Variants in FRMD5 observed in about 807,000 individuals in gnomAD.
FRMD5 encodes FERM domain containing 5.
FRMD5 carries 20 observed loss-of-function variants against 69.0 expected under a neutral mutation model. The observed-to-expected ratio is 0.29, with a 90% CI of 0.20 to 0.42. The LOEUF (loss-of-function observed/expected upper bound fraction) is 0.42, where lower values mean the gene tolerates loss of function less well. Ranked by LOEUF, FRMD5 falls within the 10% of genes least tolerant of loss-of-function variation. FRMD5 has a pLI of 1.00. For missense variants in FRMD5, 595 were observed against 708.6 expected, an observed-to-expected ratio of 0.84 and a Z score of 1.82; for synonymous variants, 271 against 260.1, an observed-to-expected ratio of 1.04 and a Z score of -0.40.
chr15:44,081,499 A>G (rs1401467367), intron 1 of FRMD5, among the ~76,000 whole-genome samples: 1 of 152,082 alleles, frequency 6.6e-6, no homozygotes, highest in African/African-American at 2.4e-5. Flanking sequence ...GAAATAATAA[A>G]CACCAGGAAG....
intron 1 of FRMD5, among the ~76,000 whole-genome samples, chr15:44,078,281 C>G (rs1893853326): frequency 6.6e-6 from 1 of 152,064 alleles, no homozygotes. Flanking sequence ...CCATGTAGCC[C>G]TATACTGGCT....
intron 1 of FRMD5, among the ~76,000 whole-genome samples, chr15:44,129,966 G>C (rs2077076058): frequency 6.6e-6 from 1 of 152,126 alleles, no homozygotes; most frequent in Admixed American, 6.5e-5. Context: ...ATCAGCTTGG[G>C]GAAGGCCAAC....
chr15:44,020,376 G>C (rs1189712221), intron 1 of FRMD5, among the ~76,000 whole-genome samples: 1 of 152,170 alleles, frequency 6.6e-6, no homozygotes, highest in Non-Finnish European at 1.5e-5. Flanking sequence ...GAGACACTGA[G>C]AAGTTATATA....
chr15:44,199,273 C>A (rs778557657), upstream of FRMD5, among the ~76,000 whole-genome samples: 1 of 152,142 alleles, frequency 6.6e-6, no homozygotes, highest in Non-Finnish European at 1.5e-5. Context: ...GTAACTTGGA[C>A]GTATGACATA....
intron 2 of FRMD5, among the ~76,000 whole-genome samples, chr15:43,922,858 C>T (rs976955392): frequency 3.9e-5 from 6 of 151,994 alleles, no homozygotes; most frequent in East Asian, 1.9e-4. Context: ...TTAGTGGAGA[C>T]GGGGTTTTGC....
At chr15:44,187,593 C>T (rs1370696763) in intron 1 of FRMD5, among the ~76,000 whole-genome samples, 4 of 149,108 alleles carry the variant, frequency 2.7e-5, no homozygotes, top group African/African-American at 9.9e-5. Context: ...TAGGAGACAG[C>T]GTTTCCATCT....
intron 1 of FRMD5, among the ~76,000 whole-genome samples, chr15:43,999,039 ACT>A (rs1890064408): frequency 6.6e-6 from 1 of 152,074 alleles, no homozygotes; most frequent in Non-Finnish European, 1.5e-5. Flanking sequence ...AGCTGTTAAC[ACT>A]GTTTTTTCTC....
chr15:43,964,138 A>T (rs1332309877), intron 1 of FRMD5, among the ~76,000 whole-genome samples: 1 of 152,168 alleles, frequency 6.6e-6, no homozygotes, highest in East Asian at 1.9e-4. Context: ...CTTTTGTTAT[A>T]ATCATAGATT....
chr15:44,052,653 C>T (rs543343937), intron 1 of FRMD5, among the ~76,000 whole-genome samples: 10 of 152,302 alleles, frequency 6.6e-5, no homozygotes, highest in African/African-American at 2.4e-4. Flanking sequence ...GGAAGCACCA[C>T]TCTAATATAT....
At chr15:44,113,868 G>A (rs2076833339) in intron 1 of FRMD5, among the ~76,000 whole-genome samples, 1 of 152,116 alleles carries the variant, frequency 6.6e-6, no homozygotes, top group Non-Finnish European at 1.5e-5. Context: ...AAAACAACAT[G>A]ATATATGTGA....
At chr15:44,182,221 G>A (rs1032825192) in intron 1 of FRMD5, among the ~76,000 whole-genome samples, 1 of 151,686 alleles carries the variant, frequency 6.6e-6, no homozygotes, top group Non-Finnish European at 1.5e-5. Flanking sequence ...TTGTTGGCCA[G>A]GCTGGTCTTG....
intron 1 of FRMD5, among the ~76,000 whole-genome samples, chr15:44,039,763 C>T (rs1892104262): frequency 6.6e-6 from 1 of 152,060 alleles, no homozygotes; most frequent in Admixed American, 6.6e-5. Context: ...CAGAATGTCT[C>T]TTCTCCTCCA....
rs572740488 is a variant in FRMD5, at chr15:43,939,138, T to C, written c.103-14829A>G. 6.6e-5 allele frequency among the ~76,000 whole-genome samples: 10 copies of C among 152,196 alleles called. No homozygotes were observed. In the South Asian group the frequency reaches 1.5e-3, roughly 22 times the overall value. On this transcript the variant is annotated intron_variant, in intron 1 of 13. Transcript: ENST00000417257. ...CGCCTGCCTCGGCCTCCCAAAGTGC[T>C]AGGATTACAGGTGTGTGAGCCACTG... is the stretch of plus-strand genomic sequence containing the variant.
chr15:44,120,981 G>C (rs1472363657), intron 1 of FRMD5, among the ~76,000 whole-genome samples: 9 of 152,016 alleles, frequency 5.9e-5, no homozygotes, highest in Non-Finnish European at 1.2e-4. Flanking sequence ...TTTAGTAGTC[G>C]TCAGTGTTTA....
intron 1 of FRMD5, among the ~76,000 whole-genome samples, chr15:44,067,160 T>A (rs992658720): frequency 6.6e-6 from 1 of 152,018 alleles, no homozygotes; most frequent in African/African-American, 2.4e-5. Context: ...ACAGAGGAAG[T>A]TGAAGAATTT....
chr15:44,008,330 C>T (rs1386386022), intron 1 of FRMD5, among the ~76,000 whole-genome samples: 1 of 152,040 alleles, frequency 6.6e-6, no homozygotes, highest in Non-Finnish European at 1.5e-5. Flanking sequence ...GTGGCACCAT[C>T]TCAGCTCACT....
At chr15:44,165,065 CT>C (rs1373197464) in intron 1 of FRMD5, among the ~76,000 whole-genome samples, 1 of 152,180 alleles carries the variant, frequency 6.6e-6, no homozygotes, top group African/African-American at 2.4e-5. Context: ...TGCCTGCACC[CT>C]GCTTATAAAA....
At chr15:43,888,633 G>T (rs149705173) in intron 9 of FRMD5, among the ~76,000 whole-genome samples, 176 bp downstream of exon 9, 1 of 152,318 alleles carries the variant, frequency 6.6e-6, no homozygotes, top group Non-Finnish European at 1.5e-5. Flanking sequence ...CCCTGAGGAA[G>T]TCCTGTGCTC....
intron 1 of FRMD5, among the ~76,000 whole-genome samples, chr15:43,966,010 G>C (rs1234854839): frequency 1.3e-5 from 2 of 152,144 alleles, no homozygotes; most frequent in Non-Finnish European, 2.9e-5. Flanking sequence ...TAATGAAAGT[G>C]CCTGCTGCAT....
Sources: allele counts gnomAD v4.1 joint callset (sites outside exome capture counted in the v4.1 genomes callset), GRCh38; gene constraint gnomAD v4.1.1; transcripts MANE v1.5; gene names NCBI Gene and HGNC (gene_info 2026-07-23, HGNC 2026-07-21).